The following GALNT10 variants were observed in gnomAD, a reference collection of about 807,000 sequenced individuals.
The protein encoded by GALNT10 is polypeptide N-acetylgalactosaminyltransferase 10, also known as GalNAc transferase 10.
Under a neutral mutation model 75.0 loss-of-function variants are expected in GALNT10, and 41 were observed. That is an observed-to-expected ratio of 0.55 (90% CI 0.43 to 0.71). GALNT10 has a LOEUF of 0.71. Ranked by LOEUF, GALNT10 falls within the 30% of genes least tolerant of loss-of-function variation. The probability of loss-of-function intolerance (pLI) is 0.00; values close to 1 mark genes in which losing one functional copy is unlikely to be tolerated. For missense variants in GALNT10, 727 were observed against 818.5 expected, an observed-to-expected ratio of 0.89 and a Z score of 1.36; for synonymous variants, 302 against 313.0, an observed-to-expected ratio of 0.96 and a Z score of 0.37.
intron 1 of GALNT10, among the ~76,000 whole-genome samples, chr5:154,279,309 T>G (rs57192117): frequency 0.36 from 53,106 of 147,358 alleles, 11,552 homozygotes; most frequent in East Asian, 0.76. Flanking sequence ...GTTTTGTTTT[T>G]TTTTTTTTTT....
intron 6 of GALNT10, among the ~76,000 whole-genome samples, chr5:154,384,955 G>A (rs937763714): frequency 5.9e-5 from 9 of 152,130 alleles, no homozygotes; most frequent in Non-Finnish European, 7.4e-5. Flanking sequence ...TACAGCACCC[G>A]GCATATTCAA....
intron 4 of GALNT10, among the ~76,000 whole-genome samples, chr5:154,373,444 C>A (rs1022223931): frequency 2.6e-5 from 4 of 152,174 alleles, no homozygotes; most frequent in African/African-American, 9.7e-5. Context: ...GAATCTTAGA[C>A]CTTGGCATCA....
chr5:154,207,941 A>G (rs1334211446), intron 1 of GALNT10, among the ~76,000 whole-genome samples: 4 of 152,064 alleles, frequency 2.6e-5, no homozygotes, highest in Admixed American at 6.6e-5. Context: ...CTGGAGTTCA[A>G]TAGTTGAAAG....
At chr5:154,191,055 A>G in intron 1 of GALNT10, 30 bp downstream of exon 1, 3 of 1,355,086 alleles carry the variant, frequency 2.2e-6, no homozygotes, top group Non-Finnish European at 2.9e-6. Context: ...CAGGCCGGGA[A>G]CACCCCCTTC....
chr5:154,232,962 G>A (rs1037626363), intron 1 of GALNT10, among the ~76,000 whole-genome samples: 5 of 152,178 alleles, frequency 3.3e-5, no homozygotes, highest in African/African-American at 9.7e-5. Flanking sequence ...TATATGGCCT[G>A]TAGAGTCAGT....
chr5:154,276,692 T>C (rs1753958475), intron 1 of GALNT10, among the ~76,000 whole-genome samples: 1 of 152,104 alleles, frequency 6.6e-6, no homozygotes, highest in Non-Finnish European at 1.5e-5. Flanking sequence ...TAGTTTAGAG[T>C]CCAGTAAGAG....
intron 4 of GALNT10, among the ~76,000 whole-genome samples, chr5:154,357,816 G>A (rs1014224772): frequency 6.6e-6 from 1 of 152,102 alleles, no homozygotes; most frequent in Admixed American, 6.5e-5. Flanking sequence ...CTGGGGGCCC[G>A]TTAAGCATCC....
chr5:154,416,870 C>T lies in GALNT10; in HGVS notation c.1710C>T (p.Asp570=). 1 of 1,612,640 alleles carries T rather than the reference C, an allele frequency of 6.2e-7. No individual in the cohort carries two copies. The highest frequency in any genetic ancestry group is 8.5e-7 in the Non-Finnish European group (1 of 1,178,592). The part of the protein sequence containing the change: ...SGSCMDCSES[D]HRIFMNTCNP... ...GCTGCATGGACTGCAGTGAAAGTGA[C>T]CATAGGATCTTCATGAACACCTGCA... Residue 570 remains aspartate, a synonymous_variant, in exon 12 of 12, where the codon GAC becomes GAT. Transcript: ENST00000297107. This position sits in a 1 kb window ranked among gnomAD's most constrained non-coding sequence, Gnocchi z 4.5.
At position 154,417,036 on chromosome 5, in the gene GALNT10, G is replaced by A; in HGVS notation, c.*64G>A. The A allele has an allele frequency of 6.8e-7, 1 of 1,474,872 alleles. No homozygotes were observed. Among genetic ancestry groups the A allele is most frequent in the Non-Finnish European group, 9.4e-7 (1 of 1,060,222 alleles). 91.4% of individuals were successfully genotyped at this position (1,474,872 alleles called of 1,614,324 possible). ...ACTCACTGCAGACTTCCTCTTTCAAGGGAGGCAGGGCCCCTGTGGGCACTA... is the reference window on the plus strand; with the variant it reads ...ACTCACTGCAGACTTCCTCTTTCAAAGGAGGCAGGGCCCCTGTGGGCACTA... On this transcript the variant is annotated 3_prime_UTR_variant, in exon 12 of 12. Transcript: ENST00000297107.
At chr5:154,414,852 G>A (rs372627888) in intron 10 of GALNT10, among the ~76,000 whole-genome samples, 3 of 152,142 alleles carry the variant, frequency 2.0e-5, no homozygotes, top group Non-Finnish European at 4.4e-5. Context: ...GAGCAGGCAC[G>A]GTGGCTCACG....
Position 154,360,712 on chromosome 5 carries a change from C to G in GALNT10, c.569-15565C>G, listed in dbSNP as rs191722523. The stretch of plus-strand genomic sequence containing the variant: ...GCCAAACCAGATTAAAGATCATGGT[C>G]AAAAGAAACTTCACCCTTTTTTGTA... On this transcript the variant is annotated intron_variant, in intron 4 of 11. Transcript: ENST00000297107. 2.7e-3 allele frequency among the ~76,000 whole-genome samples: 406 copies of G among 152,202 alleles called. 3 individuals carry two copies. The highest frequency in any genetic ancestry group is 9.3e-3 in the African/African-American group (386 of 41,532).
At chr5:154,223,019 T>A (rs992685087) in intron 1 of GALNT10, among the ~76,000 whole-genome samples, 5 of 152,216 alleles carry the variant, frequency 3.3e-5, no homozygotes, top group African/African-American at 1.2e-4. Flanking sequence ...CCGTGGAACC[T>A]GAATGTGGTA....
At chr5:154,208,754 T>A (rs1775148499) in intron 1 of GALNT10, among the ~76,000 whole-genome samples, 1 of 152,156 alleles carries the variant, frequency 6.6e-6, no homozygotes, top group South Asian at 2.1e-4. Context: ...AAGTTTAATA[T>A]AAAGAATTAT....
chr5:154,222,013 A>G (rs1752987131), intron 1 of GALNT10, among the ~76,000 whole-genome samples: 1 of 152,130 alleles, frequency 6.6e-6, no homozygotes, highest in Non-Finnish European at 1.5e-5. Flanking sequence ...AAAGTGTGCA[A>G]CTTGATCAAT....
chr5:154,390,289 A>G (rs1386854745), intron 7 of GALNT10, among the ~76,000 whole-genome samples: 1 of 94,502 alleles, frequency 1.1e-5, no homozygotes, highest in Non-Finnish European at 2.0e-5. Flanking sequence ...CGCCTGAGTC[A>G]CTAATTCCAT....
At chr5:154,353,895 T>A (rs1178093551) in intron 4 of GALNT10, among the ~76,000 whole-genome samples, 1 of 152,198 alleles carries the variant, frequency 6.6e-6, no homozygotes, top group African/African-American at 2.4e-5. Flanking sequence ...GCACCTGCCC[T>A]TGTACTTCCA....
At chr5:154,290,352 G>A (rs948458317) in intron 1 of GALNT10, among the ~76,000 whole-genome samples, 2 of 140,452 alleles carry the variant, frequency 1.4e-5, no homozygotes, top group South Asian at 2.2e-4. Context: ...CAAGTGATCC[G>A]CCCACCTCAG....
chr5:154,390,094 C>T (rs771811561), intron 7 of GALNT10, among the ~76,000 whole-genome samples: 12 of 152,214 alleles, frequency 7.9e-5, no homozygotes, highest in Non-Finnish European at 1.5e-4. Flanking sequence ...TTCTTACCAA[C>T]ACAACCAAAC....
intron 4 of GALNT10, chr5:154,337,873 T>A: frequency 2.6e-6 from 3 of 1,136,414 alleles, no homozygotes; most frequent in Admixed American, 3.4e-5. Context: ...ACACTAGGTA[T>A]CTCTTGCTTT....
Sources: gnomAD v4.1 joint callset for allele counts (sites outside exome capture counted in the v4.1 genomes callset) on GRCh38, gnomAD v4.1.1 for gene constraint, Gnocchi (gnomAD v3.1) non-coding constraint, MANE v1.5 for transcripts, NCBI Gene and HGNC (gene_info 2026-07-23, HGNC 2026-07-21) for gene names.